Variants in TRIML2 observed in about 807,000 individuals in gnomAD.
TRIML2 encodes probable E3 ubiquitin-protein ligase TRIML2.
A neutral mutation model predicts 31.2 loss-of-function variants in TRIML2; 28 were observed. That is an observed-to-expected ratio of 0.90 (90% CI 0.66 to 1.23). The LOEUF (loss-of-function observed/expected upper bound fraction) is 1.23, where lower values mean the gene tolerates loss of function less well. Among genes scored for constraint, TRIML2 ranks in the 50% most tolerant of loss-of-function variants. TRIML2 has a pLI of 0.00. For synonymous variants in TRIML2, 187 were observed against 197.5 expected (o/e 0.95, Z 0.45); for missense variants, 536 against 528.3 (o/e 1.01, Z -0.14).
At chr4:188,103,120 C>T (rs1394040527) in intron 3 of TRIML2, among the ~76,000 whole-genome samples, 1 of 145,466 alleles carries the variant, frequency 6.9e-6, no homozygotes, top group African/African-American at 2.5e-5. Flanking sequence ...TCATGCCATT[C>T]TCCTGCCTCA....
intron 1 of TRIML2, among the ~76,000 whole-genome samples, chr4:188,108,241 A>T (rs2111196364): frequency 6.6e-6 from 1 of 152,146 alleles, no homozygotes; most frequent in Admixed American, 6.5e-5. Flanking sequence ...GTTTCTGAAG[A>T]TTTAAGTTCC....
rs371443404 is a variant in TRIML2 at position 188,105,204 on chromosome 4, T to C, written c.165A>G (p.Ile55Met). 1 of 1,604,098 alleles carries C rather than the reference T, an allele frequency of 6.2e-7. No homozygotes were observed. The highest frequency in any genetic ancestry group is 8.5e-7 in the Non-Finnish European group (1 of 1,171,438). ...QEHKHHMVCG[I>M]QEAAENYRKL... ...CCCTGTAATTCTCAGCAGCCTCTTGTATCCCACACACCATGTGATGTTTGT... is the reference window on the plus strand; with the variant it reads ...CCCTGTAATTCTCAGCAGCCTCTTGCATCCCACACACCATGTGATGTTTGT... Residue 55 changes from isoleucine to methionine, a missense_variant, in exon 2 of 8, where the codon ATA (isoleucine) becomes ATG (methionine). Coordinates refer to ENST00000682553, the MANE Select transcript of TRIML2 (RefSeq NM_173553.4).
At chr4:188,104,312 T>C (rs1337965003) in intron 3 of TRIML2, among the ~76,000 whole-genome samples, 2 of 152,176 alleles carry the variant, frequency 1.3e-5, no homozygotes, top group African/African-American at 4.8e-5. Context: ...TGCAAACTCT[T>C]ATTTGATCGT....
At chr4:188,098,234 A>G (rs1219378708) in intron 5 of TRIML2, 2 of 455,266 alleles carry the variant, frequency 4.4e-6, no homozygotes, top group Non-Finnish European at 8.8e-6. Context: ...GCACAGCAGA[A>G]ATTCATTTCT....
chr4:188,106,205 T>G (rs34142528), intron 1 of TRIML2, among the ~76,000 whole-genome samples: 63 of 151,698 alleles, frequency 4.2e-4, no homozygotes, highest in Non-Finnish European at 8.4e-4. Context: ...GCCCGCCACC[T>G]CGCCCGGCTA....
intron 1 of TRIML2, chr4:188,106,078 C>T (rs1337492072): frequency 6.6e-6 from 1 of 151,232 alleles, no homozygotes; most frequent in African/African-American, 2.4e-5. Context: ...GAGACGGAGT[C>T]TCGCTCTGTC....
intron 3 of TRIML2, 84 bp from the exon 4 acceptor site, chr4:188,101,334 T>TTATG: frequency 2.9e-6 from 2 of 690,644 alleles, no homozygotes; most frequent in Non-Finnish European, 4.6e-6. Context: ...TAGATATCTA[T>TTATG]ATCTATATAT....
chr4:188,102,048 T>G (rs556536615), intron 3 of TRIML2, among the ~76,000 whole-genome samples: 120 of 146,372 alleles, frequency 8.2e-4, no homozygotes, highest in South Asian at 2.1e-3. Flanking sequence ...GAGAATGGCG[T>G]GAACCCGGGA....
chr4:188,100,939 TA>T (rs1406316228), intron 4 of TRIML2, 116 bp downstream of exon 4: 20 of 875,082 alleles, frequency 2.3e-5, no homozygotes, highest in Non-Finnish European at 3.1e-5. Flanking sequence ...GGTAGGTATA[TA>T]ATTCATTTAA....
chr4:188,097,020 G>T, intron 7 of TRIML2, 41 bp downstream of exon 7: 2 of 1,386,132 alleles, frequency 1.4e-6, no homozygotes, highest in Non-Finnish European at 1.0e-6. Flanking sequence ...ATTCTCAAAT[G>T]CAGAACAGTG....
chr4:188,098,466 G>T (rs886325094), intron 5 of TRIML2, among the ~76,000 whole-genome samples: 1 of 152,168 alleles, frequency 6.6e-6, no homozygotes, highest in African/African-American at 2.4e-5. Flanking sequence ...CATCGCCTTG[G>T]GGGAGAGGAT....
intron 7 of TRIML2, among the ~76,000 whole-genome samples, chr4:188,093,916 A>G (rs1438833579): frequency 6.6e-6 from 1 of 151,986 alleles, no homozygotes; most frequent in Non-Finnish European, 1.5e-5. Context: ...CAGCCTGACC[A>G]ACAGAGTGAA....
At position 188,091,846 on chromosome 4, in the gene TRIML2, C is replaced by A; in HGVS notation, c.841G>T (p.Ala281Ser). 6.2e-7 allele frequency: 1 copy of A among 1,614,170 alleles called. No individual in the cohort carries two copies. Among genetic ancestry groups the A allele is most frequent in the Non-Finnish European group, 8.5e-7 (1 of 1,180,036 alleles). The change falls in exon 8 of 8, where the codon GCT (alanine) becomes TCT (serine). Residue 281 changes from alanine to serine, a missense_variant. By Grantham distance (99) the Ala-to-Ser change is moderately conservative. Coordinates refer to ENST00000682553, the MANE Select transcript of TRIML2 (RefSeq NM_173553.4). ...MRLRHGQQDG[A>S]GNPERLDFSA... is the part of the protein sequence containing the mutation. ...AAATCCAATCTTTCTGGGTTGCCAG[C>A]CCCATCCTGCTGCCCATGTCTCAAT...
chr4:188,099,910 T>C (rs925058756), intron 4 of TRIML2, among the ~76,000 whole-genome samples: 3 of 151,602 alleles, frequency 2.0e-5, no homozygotes, highest in South Asian at 4.2e-4. Context: ...GATATCAATT[T>C]TCTTTTTATC....
chr4:188,105,641 C>T (rs1255960305), intron 1 of TRIML2, 51 bp from the exon 2 acceptor site: 3 of 331,616 alleles, frequency 9.0e-6, no homozygotes, highest in African/African-American at 4.1e-5. Context: ...GCGGGTTTCC[C>T]TCAGGTCTTC....
chr4:188,098,951 G>T, intron 5 of TRIML2, 84 bp downstream of exon 5: 2 of 1,475,626 alleles, frequency 1.4e-6, no homozygotes, highest in South Asian at 1.3e-5. Flanking sequence ...ATTGTGTTCT[G>T]ACAGCAACCC....
Position 188,105,586 on chromosome 4 carries a change from G to C in TRIML2, c.-218C>G. ...CAAATCCAACAAATTTCTGGCAGCT[G>C]CCTGCTTGGGGAAAAGACAGAGTTA... is the stretch of plus-strand genomic sequence containing the variant. On this transcript the variant is annotated 5_prime_UTR_variant, in exon 2 of 8. Coordinates refer to ENST00000682553, the MANE Select transcript of TRIML2 (RefSeq NM_173553.4). The C allele has an allele frequency of 2.4e-6, 1 of 412,606 alleles. No individual in the cohort carries two copies. The highest frequency in any genetic ancestry group is 4.4e-6 in the Non-Finnish European group (1 of 229,434). The allele number at this position is 412,606 out of a possible 1,614,324, so 25.6% of individuals were successfully genotyped here. A position where few individuals can be genotyped will look rare whatever the true frequency, so the allele number is the denominator to read the frequency against.
At chr4:188,102,340 A>T (rs1254839281) in intron 3 of TRIML2, among the ~76,000 whole-genome samples, 1 of 152,072 alleles carries the variant, frequency 6.6e-6, no homozygotes, top group African/African-American at 2.4e-5. Flanking sequence ...AATTACCAAA[A>T]TATATAGAGA....
At chr4:188,101,291 T>C (rs1233578519) in intron 3 of TRIML2, 41 bp from the exon 4 acceptor site, 4 of 1,324,418 alleles carry the variant, frequency 3.0e-6, no homozygotes, top group Non-Finnish European at 4.3e-6. Flanking sequence ...TTAAACATGA[T>C]AGATTAACAA....
Sources: allele counts gnomAD v4.1 joint callset (sites outside exome capture counted in the v4.1 genomes callset), GRCh38; gene constraint gnomAD v4.1.1; transcripts MANE v1.5; gene names NCBI Gene and HGNC (gene_info 2026-07-23, HGNC 2026-07-21).